The following ABTB2 variants were observed in gnomAD, a reference collection of about 807,000 sequenced individuals.
The protein encoded by ABTB2 is ankyrin repeat and BTB/POZ domain-containing protein 2.
Under a neutral mutation model 104.1 loss-of-function variants are expected in ABTB2, and 56 were observed. That is an observed-to-expected ratio of 0.54 (90% CI 0.43 to 0.67). ABTB2 has a LOEUF of 0.67. Ranked by LOEUF, ABTB2 falls within the 30% of genes least tolerant of loss-of-function variation. The pLI is 0.00. For missense variants in ABTB2, 1,279 were observed against 1,407.7 expected (o/e 0.91, Z 1.46); for synonymous variants, 606 against 608.2 (o/e 1.00, Z 0.05).
At chr11:34,327,746 C>T (rs1179395271) in intron 1 of ABTB2, among the ~76,000 whole-genome samples, 1 of 152,180 alleles carries the variant, frequency 6.6e-6, no homozygotes, top group Non-Finnish European at 1.5e-5. Context: ...AGATACGTTT[C>T]TCCCAAGAGA....
chr11:34,335,497 T>C (rs902977947), intron 1 of ABTB2: 40 of 911,882 alleles, frequency 4.4e-5, no homozygotes, highest in Non-Finnish European at 7.0e-5. Context: ...AATTTGCTAT[T>C]AGCTACTTCT....
At chr11:34,221,119 C>A (rs79031769) in intron 1 of ABTB2, among the ~76,000 whole-genome samples, 8 of 152,184 alleles carry the variant, frequency 5.3e-5, no homozygotes, top group African/African-American at 1.4e-4. Flanking sequence ...ACAAGCCATG[C>A]GCCACCACGC....
At chr11:34,195,886 G>GC (rs1355294624) in intron 3 of ABTB2, among the ~76,000 whole-genome samples, 12 of 152,304 alleles carry the variant, frequency 7.9e-5, no homozygotes, top group South Asian at 4.1e-4. Flanking sequence ...GAGACTCAAT[G>GC]CCCCCCAAAG....
chr11:34,255,664 C>T (rs767295780), intron 1 of ABTB2, among the ~76,000 whole-genome samples: 2 of 152,058 alleles, frequency 1.3e-5, no homozygotes, highest in Non-Finnish European at 2.9e-5. Flanking sequence ...ACTACAGGTA[C>T]GTGCCACCAC....
At chr11:34,338,532 A>G (rs1397470673) in intron 1 of ABTB2, among the ~76,000 whole-genome samples, 4 of 145,478 alleles carry the variant, frequency 2.7e-5, no homozygotes, top group Non-Finnish European at 1.5e-5. Flanking sequence ...CCCCATCTCT[A>G]CTAAAAGTAC....
chr11:34,162,460 G>A, intron 10 of ABTB2, 116 bp downstream of exon 10: 1 of 1,148,902 alleles, frequency 8.7e-7, no homozygotes, highest in Non-Finnish European at 1.2e-6. Flanking sequence ...CTGCCCTGGG[G>A]CTTGTCTGTC....
chr11:34,339,748 C>A (rs1855239770), intron 1 of ABTB2, among the ~76,000 whole-genome samples: 1 of 152,212 alleles, frequency 6.6e-6, no homozygotes, highest in African/African-American at 2.4e-5. Context: ...GGATTCCCTA[C>A]ATATGATTCC....
chr11:34,272,960 C>T (rs1278753170), intron 1 of ABTB2, among the ~76,000 whole-genome samples: 2 of 151,976 alleles, frequency 1.3e-5, no homozygotes, highest in Non-Finnish European at 2.9e-5. Flanking sequence ...GTGCCCTAGT[C>T]CCCTAATCTG....
intron 1 of ABTB2, among the ~76,000 whole-genome samples, chr11:34,310,333 C>T (rs1464822708): frequency 6.6e-6 from 1 of 152,154 alleles, no homozygotes; most frequent in Non-Finnish European, 1.5e-5. Context: ...AGCATCTACC[C>T]TGCTGTGAGT....
At chr11:34,209,790 T>G (rs1286171170) in intron 1 of ABTB2, among the ~76,000 whole-genome samples, 11 of 25,282 alleles carry the variant, frequency 4.4e-4, no homozygotes, top group South Asian at 2.8e-3. Flanking sequence ...GGGGTGGGGG[T>G]AGGGGTGGGG....
chr11:34,236,691 C>G (rs1853848823), intron 1 of ABTB2, among the ~76,000 whole-genome samples: 1 of 152,314 alleles, frequency 6.6e-6, no homozygotes, highest in Non-Finnish European at 1.5e-5. Flanking sequence ...ATACATCAGG[C>G]CTGTTAGCCA....
chr11:34,172,389 AAAAAAAAT>A (rs1162188749), intron 4 of ABTB2, among the ~76,000 whole-genome samples: 691 of 58,856 alleles, frequency 0.012, 55 homozygotes, highest in East Asian at 0.032. Flanking sequence ...AAAAAAAAAA[AAAAAAAAT>A]ATATATATAT....
intron 1 of ABTB2, among the ~76,000 whole-genome samples, chr11:34,304,386 C>T (rs1028352217): frequency 1.3e-5 from 2 of 152,220 alleles, no homozygotes; most frequent in African/African-American, 4.8e-5. Context: ...GCTGGGATTA[C>T]AGGTGTAAGC....
intron 1 of ABTB2, among the ~76,000 whole-genome samples, chr11:34,280,232 G>A (rs577078474): frequency 2.0e-5 from 3 of 152,226 alleles, no homozygotes; most frequent in Admixed American, 6.5e-5. Context: ...GGGACCTAGC[G>A]TGTGCAGGCT....
chr11:34,152,148 T>G lies in ABTB2; in HGVS notation c.*239A>C. The G allele has an allele frequency of 1.9e-6, 1 of 535,046 alleles. No individual in the cohort carries two copies. Among genetic ancestry groups the G allele is most frequent in the Non-Finnish European group, 3.4e-6 (1 of 297,144 alleles). The allele number at this position is 535,046 out of a possible 1,614,324, so 33.1% of individuals were successfully genotyped here. ...GCATGGCTGCCCTTGAGTTGCAAACTGAGATGGGGAGGAGGGCCACCAGTT... is the reference window on the plus strand; with the variant it reads ...GCATGGCTGCCCTTGAGTTGCAAACGGAGATGGGGAGGAGGGCCACCAGTT... On this transcript the variant is annotated 3_prime_UTR_variant, in exon 17 of 17. Transcript: ENST00000435224.
At chr11:34,207,131 C>G (rs1853418453) in intron 1 of ABTB2, among the ~76,000 whole-genome samples, 1 of 152,220 alleles carries the variant, frequency 6.6e-6, no homozygotes, top group African/African-American at 2.4e-5. Context: ...GAAAACCACC[C>G]CAACTACAGG....
Position 34,357,377 on chromosome 11 carries a change from G to A in ABTB2, c.207C>T (p.Asp69=), listed in dbSNP as rs865835027. The A allele has an allele frequency of 1.3e-6, 2 of 1,543,906 alleles. No homozygotes were observed. The highest frequency in any genetic ancestry group is 3.4e-4 in the Middle Eastern group (2 of 5,968). Residue 69 remains aspartate, a synonymous_variant, in exon 1 of 17, where the codon GAC becomes GAT. Transcript: ENST00000435224. ...CCTCGGGCAGCACCGTGTTCACCGT[G>A]TCCCAGCTGTTGTGGCGGCTGTTCA... is the stretch of plus-strand genomic sequence containing the variant. ...GSMNSRHNSW[D]TVNTVLPEDP...
Position 34,217,471 on chromosome 11 carries a change from T to C in ABTB2, c.884-12781A>G, listed in dbSNP as rs111430897. Among the ~76,000 whole-genome samples, 737 of 152,296 alleles carry C rather than the reference T, an allele frequency of 4.8e-3. 3 individuals carry two copies. The highest frequency in any genetic ancestry group is 0.017 in the African/African-American group (696 of 41,544). On this transcript the variant is annotated intron_variant, in intron 1 of 16. Coordinates refer to ENST00000435224, the MANE Select transcript of ABTB2 (RefSeq NM_145804.3). ...GTAGATATAAGTTTTTTTTGTTTTG[T>C]TTTGTTTTCAGACAGAGTCTCACTC...
chr11:34,291,623 G>A (rs1590243895), intron 1 of ABTB2, among the ~76,000 whole-genome samples: 1 of 152,106 alleles, frequency 6.6e-6, no homozygotes, highest in Non-Finnish European at 1.5e-5. Context: ...AGCCTCCCGA[G>A]TAACTTGGAT....
Sources: gnomAD v4.1 joint callset for allele counts (sites outside exome capture counted in the v4.1 genomes callset) on GRCh38, gnomAD v4.1.1 for gene constraint, MANE v1.5 for transcripts, NCBI Gene and HGNC (gene_info 2026-07-23, HGNC 2026-07-21) for gene names.